Variants in ABLIM1 observed in about 807,000 individuals in gnomAD.
ABLIM1 encodes the protein actin binding LIM protein 1.
Under a neutral mutation model 107.0 loss-of-function variants are expected in ABLIM1, and 40 were observed. The ratio of observed to expected loss-of-function variants is 0.37; its 90% CI spans 0.29 to 0.49. ABLIM1 has a LOEUF of 0.49. Ranked by LOEUF, ABLIM1 falls within the 20% of genes least tolerant of loss-of-function variation. The probability of loss-of-function intolerance (pLI) is 0.97; values close to 1 mark genes in which losing one functional copy is unlikely to be tolerated. For synonymous variants in ABLIM1, 357 were observed against 357.3 expected (o/e 1.00, Z 0.01); for missense variants, 857 against 1,008.5 (o/e 0.85, Z 2.04).
intron 1 of ABLIM1, among the ~76,000 whole-genome samples, chr10:114,616,345 C>T (rs960179926): frequency 5.9e-5 from 9 of 152,206 alleles, no homozygotes; most frequent in Admixed American, 6.5e-5. Flanking sequence ...CTTCCAGCCT[C>T]AAACACTTTA....
chr10:114,599,907 A>C (rs1311416296), intron 2 of ABLIM1, among the ~76,000 whole-genome samples: 1 of 152,164 alleles, frequency 6.6e-6, no homozygotes, highest in Admixed American at 6.5e-5. Flanking sequence ...GCCATGTCTC[A>C]ATAAATTTAT....
chr10:114,606,098 C>A (rs1025355991), intron 1 of ABLIM1, among the ~76,000 whole-genome samples: 7 of 152,118 alleles, frequency 4.6e-5, no homozygotes, highest in Non-Finnish European at 7.4e-5. Context: ...TCATCTTGCC[C>A]AAGCTACCTC....
chr10:114,702,512 A>G (rs914948445), intron 1 of ABLIM1, among the ~76,000 whole-genome samples: 3 of 151,134 alleles, frequency 2.0e-5, no homozygotes, highest in East Asian at 1.9e-4. Flanking sequence ...TGAACAATAT[A>G]TAAGTAAGAA....
At chr10:114,494,217 T>G (rs990847582) in intron 6 of ABLIM1, among the ~76,000 whole-genome samples, 1 of 152,168 alleles carries the variant, frequency 6.6e-6, no homozygotes, top group Non-Finnish European at 1.5e-5. Flanking sequence ...AAATCTAGAT[T>G]CCTAAGTCAC....
Position 114,681,247 on chromosome 10 carries a change from G to C in ABLIM1, c.64+3043C>G, listed in dbSNP as rs577306322. The stretch of plus-strand genomic sequence containing the variant: ...TTTTGCTCTTTTTGCCCAGGCTTGA[G>C]TGCAGTGGCACGATCTCAGCTCAAC... On this transcript the variant is annotated intron_variant, in intron 1 of 23. Coordinates refer to the ABLIM1 transcript ENST00000369256. Among the ~76,000 whole-genome samples the C allele has an allele frequency of 2.0e-5, 3 of 152,270 alleles. No individual in the cohort carries two copies. The East Asian group carries it at 5.8e-4, about 29-fold the overall frequency.
Position 114,465,724 on chromosome 10 carries a change from C to A in ABLIM1, c.1415G>T (p.Arg472Leu). Residue 472 changes from arginine (R) to leucine (L), a missense_variant, in exon 12 of 23, where the codon CGC (arginine) becomes CTC (leucine). By Grantham distance (102) the Arg-to-Leu change is moderately radical. Transcript: ENST00000533213. Reference protein sequence around the residue: ...SRHSYTPTTSRSPQHFHRPGN... With the variant: ...SRHSYTPTTSLSPQHFHRPGN... ...AGGTCTGTGGAAATGCTGGGGAGAGCGGGACGTGGTTGGAGTGTAGCTGTG... is the reference window on the plus strand; with the variant it reads ...AGGTCTGTGGAAATGCTGGGGAGAGAGGGACGTGGTTGGAGTGTAGCTGTG... 1 of 1,613,970 alleles carries A rather than the reference C, an allele frequency of 6.2e-7. No individual in the cohort carries two copies. Among genetic ancestry groups the A allele is most frequent in the Non-Finnish European group, 8.5e-7 (1 of 1,179,950 alleles).
intron 1 of ABLIM1, among the ~76,000 whole-genome samples, chr10:114,716,669 C>T (rs955127802): frequency 1.3e-5 from 2 of 152,238 alleles, no homozygotes; most frequent in Admixed American, 6.5e-5. Context: ...AATAATACCA[C>T]CAAAGATTTG....
At chr10:114,456,055 C>A (rs1210025529) in intron 12 of ABLIM1, among the ~76,000 whole-genome samples, 1 of 151,864 alleles carries the variant, frequency 6.6e-6, no homozygotes, top group African/African-American at 2.4e-5. Flanking sequence ...ACCTCGTGAT[C>A]CACCCGCCTC....
the ABLIM1 span, among the ~76,000 whole-genome samples, chr10:114,796,598 G>A: frequency 6.6e-6 from 1 of 152,176 alleles, no homozygotes; most frequent in African/African-American, 2.4e-5. Context: ...ACACAAGGGT[G>A]TGAATACCAT....
rs553252638 is a variant in ABLIM1 at position 114,609,854 on chromosome 10, G to A, written c.245-7893C>T. On this transcript the variant is annotated intron_variant, in intron 1 of 22. Transcript: ENST00000533213. ...TGCTACTCACAATCAAAATAACTGC[G>A]TCACAATTGCCGTAGGAGGGACTGT... Among the ~76,000 whole-genome samples, 12 of 152,276 alleles carry A rather than the reference G, an allele frequency of 7.9e-5. No individual in the cohort carries two copies. The East Asian group carries it at 1.2e-3, about 15-fold the overall frequency.
In ABLIM1 at chr10:114,441,620, A is replaced by G. The variant is rs2060206693; in HGVS notation, c.1998+102T>C. The G allele has an allele frequency of 1.1e-5, 12 of 1,121,342 alleles. No homozygotes were observed. In the East Asian group the frequency reaches 2.8e-4, roughly 27 times the overall value. 69.5% of individuals were successfully genotyped at this position (1,121,342 alleles called of 1,614,324 possible). A position where few individuals can be genotyped will look rare whatever the true frequency, so the allele number is the denominator to read the frequency against. On this transcript the variant is annotated intron_variant, in intron 18 of 22. Coordinates refer to ENST00000533213, the MANE Select transcript of ABLIM1 (RefSeq NM_002313.7). ...GTTAAAATTTTCATTATGTTCCAAC[A>G]CTGAGATCAAGAGTCAGACGTATTC...
At chr10:114,461,573 C>T (rs1008422830) in intron 12 of ABLIM1, among the ~76,000 whole-genome samples, 4 of 152,068 alleles carry the variant, frequency 2.6e-5, no homozygotes, top group South Asian at 2.1e-4. Context: ...AATCCCAGCA[C>T]GTTAGGAGGT....
intron 6 of ABLIM1, among the ~76,000 whole-genome samples, chr10:114,532,571 C>T (rs2065569345): frequency 6.6e-6 from 1 of 152,218 alleles, no homozygotes; most frequent in East Asian, 1.9e-4. Context: ...TTCCCTGAAG[C>T]ACATGCCATC....
At chr10:114,789,334 G>A in the ABLIM1 span, among the ~76,000 whole-genome samples, 5 of 152,158 alleles carry the variant, frequency 3.3e-5, no homozygotes, top group Non-Finnish European at 5.9e-5. Flanking sequence ...AAAACCTTTC[G>A]ATGGTCTCTA....
intron 1 of ABLIM1, among the ~76,000 whole-genome samples, chr10:114,734,927 G>A (rs1364350162): frequency 6.6e-6 from 1 of 152,166 alleles, no homozygotes; most frequent in African/African-American, 2.4e-5. Context: ...GAAAGTTCTT[G>A]GCTGGAAGAG....
intron 8 of ABLIM1, among the ~76,000 whole-genome samples, chr10:114,474,420 G>A (rs11814614): frequency 0.016 from 2,194 of 134,980 alleles, 49 homozygotes; most frequent in African/African-American, 0.06. Context: ...TCACTCTGTC[G>A]CCCAGGCTGG....
intron 1 of ABLIM1, among the ~76,000 whole-genome samples, chr10:114,664,085 A>G (rs979115978): frequency 1.3e-5 from 2 of 152,258 alleles, no homozygotes; most frequent in Non-Finnish European, 2.9e-5. Context: ...CTATGCTATT[A>G]TCAGGGCTTC....
intron 1 of ABLIM1, among the ~76,000 whole-genome samples, chr10:114,671,670 T>C (rs1480613521): frequency 3.9e-5 from 6 of 152,212 alleles, no homozygotes; most frequent in Non-Finnish European, 7.3e-5. Flanking sequence ...GATAGACATA[T>C]AAAAGTTTGT....
At chr10:114,717,783 C>A (rs2081706789) in intron 1 of ABLIM1, among the ~76,000 whole-genome samples, 1 of 151,650 alleles carries the variant, frequency 6.6e-6, no homozygotes, top group African/African-American at 2.4e-5. Flanking sequence ...CATGGTGGTG[C>A]ACACCTATAG....
Sources: gnomAD v4.1 joint callset for allele counts (sites outside exome capture counted in the v4.1 genomes callset) on GRCh38, gnomAD v4.1.1 for gene constraint, MANE v1.5 for transcripts, NCBI Gene and HGNC (gene_info 2026-07-23, HGNC 2026-07-21) for gene names.